RFT1: variants seen among roughly 807,000 people sequenced by gnomAD.
The protein encoded by RFT1 is man(5)GlcNAc(2)-PP-dolichol translocation protein RFT1.
Under a neutral mutation model 62.2 loss-of-function variants are expected in RFT1, and 43 were observed. The ratio of observed to expected loss-of-function variants is 0.69; its 90% CI spans 0.54 to 0.89. The LOEUF (loss-of-function observed/expected upper bound fraction) is 0.89. RFT1 is among the 40% of genes least tolerant of loss of function. The pLI is 0.00. For missense variants in RFT1, 605 were observed against 649.9 expected (o/e 0.93, Z 0.75); for synonymous variants, 262 against 264.6 (o/e 0.99, Z 0.10).
rs1441565615 is a variant in RFT1, at chr3:53,130,327, G to T, written c.63+11C>A. The T allele has an allele frequency of 1.3e-6, 2 of 1,565,018 alleles. No individual in the cohort carries two copies. The highest frequency in any genetic ancestry group is 1.2e-5 in the South Asian group (1 of 85,054). On this transcript the variant is annotated intron_variant, in intron 1 of 12. Transcript: ENST00000296292. ...TGCAGTACAAGCTGGAACCTGAAGG[G>T]CAGAGAGTACCTGCAGGAGGAGACC... is the stretch of plus-strand genomic sequence containing the variant.
intron 6 of RFT1, among the ~76,000 whole-genome samples, chr3:53,117,383 C>T (rs1242582981): frequency 2.6e-5 from 4 of 152,164 alleles, no homozygotes; most frequent in African/African-American, 9.7e-5. Context: ...TGGGGAGAGT[C>T]CCACAGGCTT....
rs769114057 is a variant in RFT1, at chr3:53,099,495, A to T, written c.1103-9T>A. The T allele has an allele frequency of 8.1e-6, 13 of 1,611,712 alleles. No homozygotes were observed. The highest frequency in any genetic ancestry group is 1.1e-5 in the Non-Finnish European group (13 of 1,178,078). On this transcript the variant is annotated splice_polypyrimidine_tract_variant and intron_variant, in intron 10 of 12. Transcript: ENST00000296292. ...ACGCAGCAAAACAGGACCTACAAGG[A>T]AACAACTCACTGAGACTCCAGAGCC...
intron 7 of RFT1, among the ~76,000 whole-genome samples, chr3:53,111,278 C>T (rs1701641004): frequency 6.6e-6 from 1 of 151,778 alleles, no homozygotes. Flanking sequence ...TGGTGGTGGG[C>T]ACCTATAGTC....
chr3:53,097,398 A>G (rs1208462657), intron 11 of RFT1, among the ~76,000 whole-genome samples: 1 of 152,222 alleles, frequency 6.6e-6, no homozygotes, highest in Non-Finnish European at 1.5e-5. Flanking sequence ...CTCTTAGGGG[A>G]GGTGAGTTAC....
At chr3:53,122,270 C>T (rs1701990359) in intron 4 of RFT1, 104 bp downstream of exon 4, 2 of 1,096,292 alleles carry the variant, frequency 1.8e-6, no homozygotes, top group Admixed American at 3.7e-5. Flanking sequence ...TTTTTAGGTG[C>T]AAGTCTGGAA....
At chr3:53,120,439 G>A (rs1242736861) in intron 5 of RFT1, among the ~76,000 whole-genome samples, 1 of 152,300 alleles carries the variant, frequency 6.6e-6, no homozygotes, top group South Asian at 2.1e-4. Context: ...AGGACTGTGG[G>A]TTTTCTATAA....
At chr3:53,099,538 T>G (rs750468244) in intron 10 of RFT1, 52 bp from the exon 11 acceptor site, 1 of 1,421,040 alleles carries the variant, frequency 7.0e-7, no homozygotes, top group Non-Finnish European at 9.9e-7. Flanking sequence ...AAGGCCCACA[T>G]GTACCCTCAG....
chr3:53,088,501 A>T lies in RFT1; in HGVS notation c.*3402T>A, dbSNP rs1009516449. On this transcript the variant is annotated 3_prime_UTR_variant, in exon 13 of 13. Coordinates refer to ENST00000296292, the MANE Select transcript of RFT1 (RefSeq NM_052859.4). ...AAAGGTCTTTTCAAAAGTGTGAAGA[A>T]AATATTTTATTTCTTATTAAACCAG... 3.3e-5 allele frequency: 5 copies of T among 152,368 alleles called. No individual in the cohort carries two copies. The highest frequency in any genetic ancestry group is 1.2e-4 in the African/African-American group (5 of 41,582). 9.4% of individuals were successfully genotyped at this position (152,368 alleles called of 1,614,324 possible).
At chr3:53,117,434 C>G (rs1701841120) in intron 6 of RFT1, among the ~76,000 whole-genome samples, 1 of 152,152 alleles carries the variant, frequency 6.6e-6, no homozygotes, top group South Asian at 2.1e-4. Flanking sequence ...CAGGAACCTC[C>G]CTGAGGCCCA....
rs145523486 is a variant in RFT1 at position 53,098,598 on chromosome 3, C to T, written c.1208+783G>A. ...CGGGAGAATCACAAGGTCAGGAGAT[C>T]GAGACCAACCTGGCTGACACGGTGA... On this transcript the variant is annotated intron_variant, in intron 11 of 12. Transcript: ENST00000296292. Among the ~76,000 whole-genome samples the T allele has an allele frequency of 1.6e-3, 250 of 152,054 alleles. 1 individual carries two copies. The highest frequency in any genetic ancestry group is 4.8e-3 in the South Asian group (23 of 4,806).
intron 6 of RFT1, among the ~76,000 whole-genome samples, chr3:53,119,516 G>C (rs1307650346): frequency 6.6e-6 from 1 of 152,204 alleles, no homozygotes; most frequent in Non-Finnish European, 1.5e-5. Context: ...TTCAGCATAG[G>C]GTCTAGCACA....
At chr3:53,117,900 GTTAT>G (rs763201960) in intron 6 of RFT1, among the ~76,000 whole-genome samples, 4 of 152,096 alleles carry the variant, frequency 2.6e-5, no homozygotes, top group Admixed American at 6.5e-5. Context: ...TATTTATTTA[GTTAT>G]TTATTTGAGA....
At chr3:53,109,845 C>A (rs1701598256) in intron 7 of RFT1, among the ~76,000 whole-genome samples, 1 of 151,972 alleles carries the variant, frequency 6.6e-6, no homozygotes, top group Non-Finnish European at 1.5e-5. Context: ...ACAAAAAAAA[C>A]CACCAGGGAT....
At chr3:53,129,669 G>C (rs1303157212) in intron 1 of RFT1, among the ~76,000 whole-genome samples, 1 of 152,100 alleles carries the variant, frequency 6.6e-6, no homozygotes, top group Non-Finnish European at 1.5e-5. Flanking sequence ...ACAAAAATTA[G>C]GGCCAAGAAG....
At chr3:53,127,476 C>G (rs570913953) in intron 1 of RFT1, among the ~76,000 whole-genome samples, 1 of 152,000 alleles carries the variant, frequency 6.6e-6, no homozygotes, top group South Asian at 2.1e-4. Context: ...CCGAGGCTGG[C>G]GGATCATGAG....
chr3:53,071,902 C>T, the RFT1 span, among the ~76,000 whole-genome samples: 1 of 152,222 alleles, frequency 6.6e-6, no homozygotes, highest in Non-Finnish European at 1.5e-5. Context: ...AGGCACAGCC[C>T]AGTGAGGGGC....
chr3:53,123,771 C>T lies in RFT1; in HGVS notation c.219G>A (p.Gly73=). 6.2e-7 allele frequency: 1 copy of T among 1,614,180 alleles called. No individual in the cohort carries two copies. Among genetic ancestry groups the T allele is most frequent in the Non-Finnish European group, 8.5e-7 (1 of 1,180,004 alleles). ...TCTGGCTCCAGTCTCGCTGGGTGCC[C>T]CCACTGAGACATGCTCTGCGGAAGG... is the stretch of plus-strand genomic sequence containing the variant. ...REAFRRACLS[G]GTQRDWSQTL... Residue 73 remains glycine (G), a synonymous_variant, in exon 3 of 13, where the codon GGG becomes GGA. Transcript: ENST00000296292.
chr3:53,130,090 T>C (rs112599725), intron 1 of RFT1, among the ~76,000 whole-genome samples: 4 of 152,094 alleles, frequency 2.6e-5, no homozygotes, highest in Non-Finnish European at 4.4e-5. Flanking sequence ...ATATGGGAAA[T>C]AGAATGCTCA....
intron 2 of RFT1, among the ~76,000 whole-genome samples, 167 bp downstream of exon 2, chr3:53,125,742 G>A (rs961705957): frequency 4.6e-5 from 7 of 152,174 alleles, no homozygotes; most frequent in African/African-American, 7.2e-5. Context: ...CATCGCCTGC[G>A]CGTCCCTCCA....
Sources: gnomAD v4.1 joint callset for allele counts (sites outside exome capture counted in the v4.1 genomes callset) on GRCh38, gnomAD v4.1.1 for gene constraint, MANE v1.5 for transcripts, NCBI Gene and HGNC (gene_info 2026-07-23, HGNC 2026-07-21) for gene names.